Variants in LRP8 observed in about 807,000 individuals in gnomAD.
The protein encoded by LRP8 is low-density lipoprotein receptor-related protein 8.
In LRP8, 46 loss-of-function variants were observed where a neutral mutation model predicts 111.6. That is an observed-to-expected ratio of 0.41 (90% CI 0.33 to 0.53). LRP8 has a LOEUF of 0.53. LRP8 is among the 20% of genes least tolerant of loss of function. LRP8 has a pLI of 0.20. For synonymous variants in LRP8, 464 were observed against 511.2 expected, an observed-to-expected ratio of 0.91 and a Z score of 1.24; for missense variants, 959 against 1,297.4, an observed-to-expected ratio of 0.74 and a Z score of 4.01.
chr1:53,310,989 C>T (rs925712489), intron 2 of LRP8, among the ~76,000 whole-genome samples: 18 of 152,090 alleles, frequency 1.2e-4, no homozygotes, highest in South Asian at 2.1e-4. Context: ...CTTCAGAGCC[C>T]GGAGGAAATG....
chr1:53,256,482 G>GTT (rs770419400), intron 15 of LRP8, among the ~76,000 whole-genome samples: 3 of 152,346 alleles, frequency 2.0e-5, no homozygotes, highest in Admixed American at 2.0e-4. Context: ...AAACTTCGGA[G>GTT]TAAGTGCTCC....
chr1:53,245,447 A>G lies in LRP8; in HGVS notation c.*1571T>C, dbSNP rs918398994. On this transcript the variant is annotated 3_prime_UTR_variant, in exon 19 of 19. Coordinates refer to ENST00000306052, the MANE Select transcript of LRP8 (RefSeq NM_004631.5). ...CTGGGACTATAGGATTATGTTTCCAATGGGAGACCCCACAAGTAGAAAAGA... is the reference window on the plus strand; with the variant it reads ...CTGGGACTATAGGATTATGTTTCCAGTGGGAGACCCCACAAGTAGAAAAGA... 2 of 152,190 alleles carry G rather than the reference A, an allele frequency of 1.3e-5. No individual in the cohort carries two copies. The highest frequency in any genetic ancestry group is 2.9e-5 in the Non-Finnish European group (2 of 68,024). 9.4% of individuals were successfully genotyped at this position (152,190 alleles called of 1,614,324 possible). A position where few individuals can be genotyped will look rare whatever the true frequency, so the allele number is the denominator to read the frequency against.
chr1:53,289,929 A>C (rs947619523), intron 2 of LRP8, among the ~76,000 whole-genome samples: 1 of 152,212 alleles, frequency 6.6e-6, no homozygotes, highest in Middle Eastern at 3.2e-3. Context: ...AAGATTTATC[A>C]TACCCCACCA....
intron 6 of LRP8, among the ~76,000 whole-genome samples, chr1:53,273,256 G>A (rs1388756655): frequency 1.3e-5 from 2 of 152,126 alleles, no homozygotes; most frequent in African/African-American, 4.8e-5. Context: ...TCCATGGAAG[G>A]AAGAAGTGGT....
At chr1:53,308,967 C>G (rs1652504404) in intron 2 of LRP8, among the ~76,000 whole-genome samples, 1 of 152,172 alleles carries the variant, frequency 6.6e-6, no homozygotes, top group Middle Eastern at 3.2e-3. Flanking sequence ...CAGATCCCCC[C>G]TCAGAGGGCT....
chr1:53,278,092 A>C (rs1646985272), intron 4 of LRP8, among the ~76,000 whole-genome samples: 1 of 152,218 alleles, frequency 6.6e-6, no homozygotes, highest in African/African-American at 2.4e-5. Context: ...TTGCCAGTTT[A>C]TAGATGGGGA....
chr1:53,256,574 G>A lies in LRP8; in HGVS notation c.2434+666C>T, dbSNP rs559927363. 3.3e-5 allele frequency among the ~76,000 whole-genome samples: 5 copies of A among 152,370 alleles called. No individual in the cohort carries two copies. The South Asian group carries it at 1.0e-3, about 32-fold the overall frequency. On this transcript the variant is annotated intron_variant, in intron 15 of 18. Coordinates refer to ENST00000306052, the MANE Select transcript of LRP8 (RefSeq NM_004631.5). ...GCAGCTTGGTTTCTGGGCTGTCCATGTAGGGGAAAAAATTAAAAAGATAGT... is the reference window on the plus strand; with the variant it reads ...GCAGCTTGGTTTCTGGGCTGTCCATATAGGGGAAAAAATTAAAAAGATAGT...
At chr1:53,278,523 C>T (rs1010740968) in intron 4 of LRP8, among the ~76,000 whole-genome samples, 20 of 152,234 alleles carry the variant, frequency 1.3e-4, no homozygotes, top group South Asian at 2.1e-4. Flanking sequence ...GTAGGTAGCT[C>T]GTGTCATGCG....
At chr1:53,309,231 T>G (rs974320567) in intron 2 of LRP8, among the ~76,000 whole-genome samples, 1 of 152,024 alleles carries the variant, frequency 6.6e-6, no homozygotes, top group Non-Finnish European at 1.5e-5. Flanking sequence ...GCCGAGACCA[T>G]GCCATTGCAC....
At chr1:53,272,205 A>G (rs1337560918) in intron 6 of LRP8, among the ~76,000 whole-genome samples, 7 of 151,896 alleles carry the variant, frequency 4.6e-5, no homozygotes, top group Non-Finnish European at 7.4e-5. Context: ...TGTTCCTCCT[A>G]TCTTGTCATG....
intron 8 of LRP8, 145 bp downstream of exon 8, chr1:53,270,883 G>T: frequency 8.6e-7 from 1 of 1,165,876 alleles, no homozygotes; most frequent in Non-Finnish European, 1.2e-6. Flanking sequence ...AGCTAGACAA[G>T]GGACCGAGGA....
At chr1:53,284,990 C>T (rs906833013) in intron 3 of LRP8, among the ~76,000 whole-genome samples, 3 of 152,132 alleles carry the variant, frequency 2.0e-5, no homozygotes, top group Non-Finnish European at 2.9e-5. Context: ...GTAGCTTTCC[C>T]CCAAAGGTAG....
At chr1:53,326,178 A>G (rs1250792634) in intron 2 of LRP8, among the ~76,000 whole-genome samples, 7 of 152,226 alleles carry the variant, frequency 4.6e-5, no homozygotes, top group African/African-American at 1.7e-4. Flanking sequence ...TCTGCTAACC[A>G]GGGTGGCTCA....
In LRP8 at chr1:53,275,433, A is replaced by G. The variant is rs11803266; in HGVS notation, c.1006+198T>C. ...CCCTAGGTGTCTTTCAGCTTTGGCA[A>G]AGTCCTTACAAATCCAGTTCTGGTG... On this transcript the variant is annotated intron_variant, in intron 6 of 18. Coordinates refer to ENST00000306052, the MANE Select transcript of LRP8 (RefSeq NM_004631.5). The surrounding 1 kb of genome is among the most constrained non-coding windows in gnomAD (Gnocchi z 4.4). 1.9e-3 allele frequency among the ~76,000 whole-genome samples: 283 copies of G among 152,264 alleles called. 2 individuals carry two copies. The highest frequency in any genetic ancestry group is 6.5e-3 in the African/African-American group (271 of 41,528).
chr1:53,296,351 C>T (rs1295443018), intron 2 of LRP8, among the ~76,000 whole-genome samples: 1 of 152,218 alleles, frequency 6.6e-6, no homozygotes, highest in Non-Finnish European at 1.5e-5. Context: ...AAAGGTAAAG[C>T]CCCTAACTTG....
At chr1:53,286,373 T>C (rs926624984) in intron 3 of LRP8, among the ~76,000 whole-genome samples, 1 of 152,202 alleles carries the variant, frequency 6.6e-6, no homozygotes, top group African/African-American at 2.4e-5. Context: ...AAGATGAGCC[T>C]GGTTAATCAG....
At chr1:53,327,279 A>T (rs1655266413) in intron 1 of LRP8, 1 of 457,434 alleles carries the variant, frequency 2.2e-6, no homozygotes, top group Non-Finnish European at 4.0e-6. Flanking sequence ...ACCCATAGTC[A>T]GAGATCTGCT....
chr1:53,313,610 G>A (rs1030347822), intron 2 of LRP8, among the ~76,000 whole-genome samples: 7 of 152,184 alleles, frequency 4.6e-5, no homozygotes, highest in African/African-American at 1.7e-4. Context: ...TGACTCCAGA[G>A]GTCAGGTGAG....
At chr1:53,298,265 C>T (rs1176456502) in intron 2 of LRP8, among the ~76,000 whole-genome samples, 1 of 152,326 alleles carries the variant, frequency 6.6e-6, no homozygotes, top group East Asian at 1.9e-4. Context: ...AGAAGAGCGT[C>T]TCCGAGGGAC....
Sources: allele counts gnomAD v4.1 joint callset (sites outside exome capture counted in the v4.1 genomes callset), GRCh38; gene constraint gnomAD v4.1.1; non-coding constraint Gnocchi (gnomAD v3.1); transcripts MANE v1.5; gene names NCBI Gene and HGNC (gene_info 2026-07-23, HGNC 2026-07-21).